RFX3: variants seen among roughly 807,000 people sequenced by gnomAD.
RFX3 encodes the protein regulatory factor X3.
In RFX3, 14 loss-of-function variants were observed where a neutral mutation model predicts 98.6. The ratio of observed to expected loss-of-function variants is 0.14; its 90% CI spans 0.09 to 0.22. RFX3 has a LOEUF of 0.22. Ranked by LOEUF, RFX3 falls within the 10% of genes least tolerant of loss-of-function variation. RFX3 has a pLI of 1.00. For missense variants in RFX3, 639 were observed against 926.9 expected (o/e 0.69, Z 4.03); for synonymous variants, 383 against 328.4 (o/e 1.17, Z -1.80).
At position 3,271,041 on chromosome 9, in the gene RFX3, G is replaced by C; in HGVS notation, c.1164C>G (p.Pro388=). The change falls in exon 10 of 17, where the codon CCC becomes CCG. Residue 388 remains proline, a synonymous_variant. Transcript: ENST00000617270. ...KLWQTFWRYS[P]STPTDGTTIT... ...TGGTAGTGCCATCAGTTGGAGTAGA[G>C]GGAGAATAGCGCCAGAATGTTTGCC... The C allele has an allele frequency of 6.2e-7, 1 of 1,613,766 alleles. No individual in the cohort carries two copies. The highest frequency in any genetic ancestry group is 8.5e-7 in the Non-Finnish European group (1 of 1,179,718).
intron 2 of RFX3, among the ~76,000 whole-genome samples, chr9:3,368,927 T>C (rs373954696): frequency 6.6e-6 from 1 of 152,236 alleles, no homozygotes; most frequent in Non-Finnish European, 1.5e-5. Context: ...GTAAGCTCCA[T>C]AAAGTCAGGA....
intron 15 of RFX3, among the ~76,000 whole-genome samples, chr9:3,230,022 G>C (rs1344654634): frequency 6.6e-6 from 1 of 152,110 alleles, no homozygotes; most frequent in Non-Finnish European, 1.5e-5. Context: ...GTTAGTTTAT[G>C]CATCATTAGG....
chr9:3,517,178 C>A (rs543488150), intron 1 of RFX3, among the ~76,000 whole-genome samples: 1 of 152,302 alleles, frequency 6.6e-6, no homozygotes, highest in South Asian at 2.1e-4. Context: ...GCTACAGAAT[C>A]ATAGATTGGA....
intron 4 of RFX3, among the ~76,000 whole-genome samples, chr9:3,306,051 C>T (rs553560197): frequency 3.9e-5 from 6 of 151,930 alleles, no homozygotes; most frequent in Non-Finnish European, 7.4e-5. Flanking sequence ...TAGAAATATA[C>T]GTAACACTAA....
chr9:3,341,059 G>A (rs1029392560), intron 3 of RFX3, among the ~76,000 whole-genome samples: 1 of 152,136 alleles, frequency 6.6e-6, no homozygotes, highest in East Asian at 1.9e-4. Context: ...ACACACCATA[G>A]AATACTATGC....
intron 15 of RFX3, among the ~76,000 whole-genome samples, chr9:3,230,864 G>C (rs958357818): frequency 6.6e-6 from 1 of 152,190 alleles, no homozygotes; most frequent in African/African-American, 2.4e-5. Context: ...ATCACACAAA[G>C]TGTCTAAAAC....
At chr9:3,406,488 C>T (rs1841987137) in intron 1 of RFX3, among the ~76,000 whole-genome samples, 1 of 151,968 alleles carries the variant, frequency 6.6e-6, no homozygotes, top group Non-Finnish European at 1.5e-5. Flanking sequence ...CAGCAATTAT[C>T]ACATCTATAG....
intron 2 of RFX3, among the ~76,000 whole-genome samples, chr9:3,382,335 T>C (rs987329569): frequency 1.3e-5 from 2 of 152,226 alleles, no homozygotes; most frequent in African/African-American, 2.4e-5. Flanking sequence ...AAATCTGTAT[T>C]CTGTCCCACA....
rs769512234 is a variant in RFX3, at chr9:3,320,186, ACTT to A, written c.474+10070_474+10072del. ...CCAAAATTTTTAAAAATAACAAGTG[ACTT>A]CTTTTTTTTAATAGATAATATATTC... On this transcript the variant is annotated intron_variant, in intron 4 of 16. Coordinates refer to ENST00000617270, the MANE Select transcript of RFX3 (RefSeq NM_001282116.2). Among the ~76,000 whole-genome samples, 667 of 152,226 alleles carry A rather than the reference ACTT, an allele frequency of 4.4e-3. 6 individuals carry two copies. The highest frequency in any genetic ancestry group is 0.015 in the African/African-American group (640 of 41,540).
chr9:3,477,036 T>C (rs1187031431), intron 1 of RFX3, among the ~76,000 whole-genome samples: 1 of 152,192 alleles, frequency 6.6e-6, no homozygotes, highest in East Asian at 1.9e-4. Context: ...AGCTCATAGT[T>C]ATCATTCAAA....
chr9:3,369,208 C>A (rs1837536663), intron 2 of RFX3, among the ~76,000 whole-genome samples: 1 of 152,228 alleles, frequency 6.6e-6, no homozygotes, highest in Non-Finnish European at 1.5e-5. Context: ...AAATTTATTT[C>A]TCACAGTCTG....
chr9:3,426,198 T>A (rs1030271041), intron 1 of RFX3, among the ~76,000 whole-genome samples: 2 of 152,152 alleles, frequency 1.3e-5, no homozygotes, highest in African/African-American at 2.4e-5. Flanking sequence ...CATAATTCCA[T>A]CTATGTTTAT....
chr9:3,353,238 C>T (rs973867537), intron 2 of RFX3, among the ~76,000 whole-genome samples: 16 of 151,236 alleles, frequency 1.1e-4, no homozygotes, highest in South Asian at 2.1e-4. Flanking sequence ...AGGAGATATA[C>T]CTAATGCTAA....
At chr9:3,332,884 T>A (rs761001990) in intron 3 of RFX3, among the ~76,000 whole-genome samples, 1 of 151,506 alleles carries the variant, frequency 6.6e-6, no homozygotes, top group Non-Finnish European at 1.5e-5. Context: ...TTTGTCCTAA[T>A]CATTCTTAAG....
In RFX3 at chr9:3,223,440, C is replaced by T. The variant is rs1817465346; in HGVS notation, c.*1602G>A. On this transcript the variant is annotated 3_prime_UTR_variant, in exon 17 of 17. Transcript: ENST00000617270. ...ACATTTAGACTGAAAAGATGCACTT[C>T]GATAAGTACCTGCTTACTTTGTTAA... is the stretch of plus-strand genomic sequence containing the variant. 1 of 152,094 alleles carries T rather than the reference C, an allele frequency of 6.6e-6. No homozygotes were observed. Among genetic ancestry groups the T allele is most frequent in the Non-Finnish European group, 1.5e-5 (1 of 68,022 alleles). The allele number at this position is 152,094 out of a possible 1,614,324, so 9.4% of individuals were successfully genotyped here.
intron 2 of RFX3, among the ~76,000 whole-genome samples, chr9:3,371,699 TG>T (rs1837881829): frequency 6.6e-6 from 1 of 152,100 alleles, no homozygotes; most frequent in South Asian, 2.1e-4. Flanking sequence ...AATTACTAAA[TG>T]ATTGAGAAAT....
At chr9:3,482,985 T>A (rs1849924282) in intron 1 of RFX3, among the ~76,000 whole-genome samples, 2 of 152,202 alleles carry the variant, frequency 1.3e-5, no homozygotes, top group African/African-American at 4.8e-5. Flanking sequence ...AATCTTGCTT[T>A]TGAGTTTAGC....
intron 4 of RFX3, among the ~76,000 whole-genome samples, chr9:3,310,388 C>A (rs900675802): frequency 6.6e-6 from 1 of 152,126 alleles, no homozygotes; most frequent in Non-Finnish European, 1.5e-5. Context: ...ACAATTATAT[C>A]ATCTTATTTA....
chr9:3,409,187 A>C (rs1416994009), intron 1 of RFX3, among the ~76,000 whole-genome samples: 2 of 152,194 alleles, frequency 1.3e-5, no homozygotes, highest in South Asian at 2.1e-4. Context: ...CTTTAAATCA[A>C]AGTGTTATAA....
Sources: allele counts gnomAD v4.1 joint callset (sites outside exome capture counted in the v4.1 genomes callset), GRCh38; gene constraint gnomAD v4.1.1; transcripts MANE v1.5; gene names NCBI Gene and HGNC (gene_info 2026-07-23, HGNC 2026-07-21).